The following KCNAB1 variants were observed in gnomAD, a reference collection of about 807,000 sequenced individuals.
KCNAB1 encodes the protein potassium voltage-gated channel subfamily A regulatory beta subunit 1, also known as voltage-gated potassium channel subunit beta-1.
Under a neutral mutation model 64.6 loss-of-function variants are expected in KCNAB1, and 35 were observed. That is an observed-to-expected ratio of 0.54 (90% CI 0.41 to 0.72). The LOEUF is 0.72. Among genes scored for constraint, KCNAB1 ranks in the 30% least tolerant of loss-of-function variants. KCNAB1 has a pLI of 0.00. For missense variants in KCNAB1, 401 were observed against 512.9 expected (o/e 0.78, Z 2.11); for synonymous variants, 177 against 183.8 (o/e 0.96, Z 0.30).
chr3:156,347,487 A>C (rs1724559328), intron 1 of KCNAB1, among the ~76,000 whole-genome samples: 1 of 152,258 alleles, frequency 6.6e-6, no homozygotes, highest in African/African-American at 2.4e-5. Flanking sequence ...AATCATTGGA[A>C]GGAGCTAGAG....
chr3:156,412,393 TAAGAC>T (rs1243457295), intron 1 of KCNAB1, among the ~76,000 whole-genome samples: 1 of 152,186 alleles, frequency 6.6e-6, no homozygotes, highest in African/African-American at 2.4e-5. Flanking sequence ...TGACAGTGAA[TAAGAC>T]AACTGAATTG....
At chr3:156,229,929 A>G (rs1159708103) in intron 1 of KCNAB1, among the ~76,000 whole-genome samples, 1 of 152,176 alleles carries the variant, frequency 6.6e-6, no homozygotes, top group Non-Finnish European at 1.5e-5. Flanking sequence ...GATAGTTGGC[A>G]TAGTATGGGA....
chr3:156,362,212 C>T (rs1725660590), intron 1 of KCNAB1, among the ~76,000 whole-genome samples: 1 of 152,154 alleles, frequency 6.6e-6, no homozygotes, highest in Admixed American at 6.5e-5. Context: ...ATTATTGATG[C>T]TCTTCTATAC....
At chr3:156,317,937 A>G (rs1030061837) in intron 1 of KCNAB1, among the ~76,000 whole-genome samples, 3 of 152,154 alleles carry the variant, frequency 2.0e-5, no homozygotes. Context: ...GCTAATTCCC[A>G]TTCAACTGCT....
chr3:156,336,845 A>G (rs892606155), intron 1 of KCNAB1, among the ~76,000 whole-genome samples: 2 of 152,238 alleles, frequency 1.3e-5, no homozygotes, highest in African/African-American at 4.8e-5. Context: ...TTCATAAGCA[A>G]CTTTCACACG....
At chr3:156,449,820 TG>T (rs1441163037) in intron 2 of KCNAB1, among the ~76,000 whole-genome samples, 1 of 152,150 alleles carries the variant, frequency 6.6e-6, no homozygotes, top group Non-Finnish European at 1.5e-5. Flanking sequence ...AGCTCACAAA[TG>T]AAACATTTGT....
chr3:156,398,143 C>G lies in KCNAB1; in HGVS notation c.276-23473C>G, dbSNP rs184971110. Reference sequence around the variant, plus strand: ...GCAAACTCACACAGAAACAGAGAACCAAACACCACATGTTCTCACTCATAA... The same window carrying G: ...GCAAACTCACACAGAAACAGAGAACGAAACACCACATGTTCTCACTCATAA... On this transcript the variant is annotated intron_variant, in intron 1 of 13. Transcript: ENST00000490337. Among the ~76,000 whole-genome samples the G allele has an allele frequency of 9.3e-4, 142 of 152,184 alleles. 1 individual carries two copies. In the South Asian group the frequency reaches 0.014, roughly 15 times the overall value.
intron 8 of KCNAB1, among the ~76,000 whole-genome samples, chr3:156,498,098 G>C (rs1209126022): frequency 6.6e-6 from 1 of 152,192 alleles, no homozygotes; most frequent in Non-Finnish European, 1.5e-5. Flanking sequence ...TTATAGTGAA[G>C]CTTGGGTGAA....
At chr3:156,424,691 A>C (rs962096330) in intron 2 of KCNAB1, among the ~76,000 whole-genome samples, 1 of 152,208 alleles carries the variant, frequency 6.6e-6, no homozygotes, top group African/African-American at 2.4e-5. Context: ...GAAAGCCCTT[A>C]AGACAATAAC....
At chr3:156,161,296 C>T (rs766589745) in intron 1 of KCNAB1, among the ~76,000 whole-genome samples, 10 of 152,248 alleles carry the variant, frequency 6.6e-5, no homozygotes, top group South Asian at 2.1e-4. Flanking sequence ...CTCACTGCCT[C>T]GTCATTCACC....
At chr3:156,494,699 G>C (rs1054121307) in intron 8 of KCNAB1, among the ~76,000 whole-genome samples, 1 of 152,126 alleles carries the variant, frequency 6.6e-6, no homozygotes, top group Non-Finnish European at 1.5e-5. Flanking sequence ...ACACTGAGCA[G>C]CCATCTGTAT....
chr3:156,391,264 C>A (rs1326177797), intron 1 of KCNAB1, among the ~76,000 whole-genome samples: 2 of 152,144 alleles, frequency 1.3e-5, no homozygotes, highest in Non-Finnish European at 2.9e-5. Flanking sequence ...ACCCTCTGAA[C>A]CTGTTTCCTC....
At chr3:156,431,927 C>A (rs1038743121) in intron 2 of KCNAB1, among the ~76,000 whole-genome samples, 1 of 152,188 alleles carries the variant, frequency 6.6e-6, no homozygotes, top group Non-Finnish European at 1.5e-5. Flanking sequence ...TTTATGTATC[C>A]ATCCCTGAGC....
At chr3:156,227,893 A>G (rs966745048) in intron 1 of KCNAB1, 5 of 152,244 alleles carry the variant, frequency 3.3e-5, no homozygotes, top group African/African-American at 9.6e-5. Flanking sequence ...CCTTTCTGCC[A>G]TGTCATCAAT....
At chr3:156,204,759 G>C (rs1236903533) in intron 1 of KCNAB1, among the ~76,000 whole-genome samples, 1 of 152,164 alleles carries the variant, frequency 6.6e-6, no homozygotes, top group African/African-American at 2.4e-5. Flanking sequence ...TTGGAACCCA[G>C]GAGCCGGAGG....
intron 1 of KCNAB1, among the ~76,000 whole-genome samples, chr3:156,364,002 T>C (rs187635927): frequency 6.6e-6 from 1 of 152,236 alleles, no homozygotes; most frequent in Non-Finnish European, 1.5e-5. Flanking sequence ...TACTTGATAA[T>C]TGAACAACCT....
chr3:156,461,812 G>C (rs1712934235), intron 5 of KCNAB1, among the ~76,000 whole-genome samples: 1 of 152,080 alleles, frequency 6.6e-6, no homozygotes, highest in South Asian at 2.1e-4. Flanking sequence ...TTTCATTCTT[G>C]CAAATAAAAA....
chr3:156,339,539 T>C (rs1230833963), intron 1 of KCNAB1, among the ~76,000 whole-genome samples: 1 of 152,230 alleles, frequency 6.6e-6, no homozygotes. Context: ...TTCAGATCTG[T>C]GGCTCCAGTG....
intron 2 of KCNAB1, among the ~76,000 whole-genome samples, chr3:156,437,991 G>A (rs1716704363): frequency 2.0e-5 from 3 of 152,188 alleles, no homozygotes; most frequent in Non-Finnish European, 4.4e-5. Flanking sequence ...TGCCATTACA[G>A]TCACAGGGGG....
Sources: gnomAD v4.1 joint callset for allele counts (sites outside exome capture counted in the v4.1 genomes callset) on GRCh38, gnomAD v4.1.1 for gene constraint, MANE v1.5 for transcripts, NCBI Gene and HGNC (gene_info 2026-07-23, HGNC 2026-07-21) for gene names.